The following CNTN4 variants were observed in gnomAD, a reference collection of about 807,000 sequenced individuals.
CNTN4 encodes contactin-4.
A neutral mutation model predicts 122.5 loss-of-function variants in CNTN4; 77 were observed. The ratio of observed to expected loss-of-function variants is 0.63; its 90% CI spans 0.52 to 0.76. The LOEUF is 0.76. CNTN4 is among the 30% of genes least tolerant of loss of function. The pLI, the probability that CNTN4 is intolerant of heterozygous loss-of-function variation, is 0.00. For missense variants in CNTN4, 1,256 were observed against 1,259.1 expected (o/e 1.00, Z 0.04); for synonymous variants, 512 against 447.0 (o/e 1.15, Z -1.83).
At chr3:2,116,129 A>G (rs2033335370) in intron 2 of CNTN4, among the ~76,000 whole-genome samples, 1 of 152,118 alleles carries the variant, frequency 6.6e-6, no homozygotes, top group Admixed American at 6.5e-5. Context: ...CATCACCACT[A>G]AAGTCTTATT....
intron 4 of CNTN4, among the ~76,000 whole-genome samples, chr3:2,634,743 C>T (rs2082590000): frequency 2.0e-5 from 3 of 151,104 alleles, no homozygotes; most frequent in Non-Finnish European, 4.4e-5. Flanking sequence ...GTAGTCCCAC[C>T]TACTCCGGAG....
At chr3:2,803,110 C>T (rs1264586140) in intron 6 of CNTN4, among the ~76,000 whole-genome samples, 1 of 152,076 alleles carries the variant, frequency 6.6e-6, no homozygotes, top group Non-Finnish European at 1.5e-5. Context: ...AATAAAAATC[C>T]TTTATATAAC....
At chr3:2,103,680 C>A (rs1173870449) in intron 2 of CNTN4, among the ~76,000 whole-genome samples, 1 of 151,934 alleles carries the variant, frequency 6.6e-6, no homozygotes, top group Non-Finnish European at 1.5e-5. Context: ...GAAAGGAAAC[C>A]CTCTTCTTTT....
At chr3:2,951,192 C>G (rs770693712) in intron 13 of CNTN4, among the ~76,000 whole-genome samples, 2 of 152,140 alleles carry the variant, frequency 1.3e-5, no homozygotes, top group African/African-American at 2.4e-5. Context: ...GTCATATAGA[C>G]CAGTGGTCCC....
At chr3:2,802,490 A>C (rs1352947571) in intron 6 of CNTN4, among the ~76,000 whole-genome samples, 1 of 152,224 alleles carries the variant, frequency 6.6e-6, no homozygotes, top group Non-Finnish European at 1.5e-5. Flanking sequence ...CATAAGCATA[A>C]GAAAATCGTG....
chr3:2,548,560 C>T (rs2078344402), intron 3 of CNTN4, among the ~76,000 whole-genome samples: 1 of 152,050 alleles, frequency 6.6e-6, no homozygotes, highest in Non-Finnish European at 1.5e-5. Context: ...CAGTACCATG[C>T]TGTTTTGTTT....
intron 8 of CNTN4, among the ~76,000 whole-genome samples, chr3:2,882,191 C>T (rs535862904): frequency 3.9e-5 from 6 of 151,976 alleles, no homozygotes; most frequent in South Asian, 2.1e-4. Flanking sequence ...GGTGAAACCC[C>T]GTCTCCACTA....
chr3:2,615,586 A>C (rs905394912), intron 4 of CNTN4, among the ~76,000 whole-genome samples: 6 of 152,204 alleles, frequency 3.9e-5, no homozygotes, highest in African/African-American at 1.4e-4. Context: ...ACTCTAAAAA[A>C]AAACTTAGAG....
At chr3:2,780,259 C>T (rs1438982932) in intron 6 of CNTN4, among the ~76,000 whole-genome samples, 1 of 152,160 alleles carries the variant, frequency 6.6e-6, no homozygotes, top group Non-Finnish European at 1.5e-5. Context: ...TTACTAATGC[C>T]TTTTCTGGTA....
At chr3:2,203,997 G>T (rs960765965) in intron 2 of CNTN4, among the ~76,000 whole-genome samples, 2 of 152,054 alleles carry the variant, frequency 1.3e-5, no homozygotes, top group African/African-American at 4.8e-5. Context: ...TGGTATGAGT[G>T]TATTTCAAAC....
rs571562508 is a variant in CNTN4, at chr3:2,952,208, G to A, written c.1358+26429G>A. Among the ~76,000 whole-genome samples the A allele has an allele frequency of 2.0e-3, 304 of 152,310 alleles. 1 individual carries two copies. Among genetic ancestry groups the A allele is most frequent in the Non-Finnish European group, 3.2e-3 (219 of 68,034 alleles). On this transcript the variant is annotated intron_variant, in intron 13 of 24. Transcript: ENST00000418658. ...GCCTTATCGAAAGCCTTAGTGAGAT[G>A]GTTTCTAGGATATAGTTGGAACCTG...
intron 3 of CNTN4, among the ~76,000 whole-genome samples, chr3:2,455,479 C>CT (rs918094694): frequency 6.6e-5 from 10 of 151,466 alleles, no homozygotes; most frequent in Non-Finnish European, 1.3e-4. Context: ...AGTCTTTTTT[C>CT]TTTTTTTTAA....
chr3:2,368,176 G>GC lies in CNTN4; in HGVS notation c.-89+28943_-89+28944insC, dbSNP rs567929204. On this transcript the variant is annotated intron_variant, in intron 3 of 24. Transcript: ENST00000418658. The stretch of plus-strand genomic sequence containing the variant: ...GCCTCCCGAGTAGCTGGGACTACAG[G>GC]GCCCGCCACCACGCCCAGCTAATTT... 6.6e-3 allele frequency among the ~76,000 whole-genome samples: 991 copies of GC among 149,584 alleles called. 16 individuals are homozygous for GC. Among genetic ancestry groups the GC allele is most frequent in the African/African-American group, 0.023 (951 of 40,704 alleles).
intron 7 of CNTN4, among the ~76,000 whole-genome samples, chr3:2,843,271 A>G (rs373362906): frequency 6.6e-6 from 1 of 152,102 alleles, no homozygotes. Context: ...TTTCCATGCC[A>G]CCATTCAATC....
chr3:2,581,862 A>C (rs894740817), intron 4 of CNTN4, among the ~76,000 whole-genome samples: 2 of 152,254 alleles, frequency 1.3e-5, no homozygotes, highest in South Asian at 4.1e-4. Context: ...ACAAACTTTG[A>C]AGATACCGTG....
At chr3:2,141,333 G>C (rs917130942) in intron 2 of CNTN4, among the ~76,000 whole-genome samples, 3 of 152,130 alleles carry the variant, frequency 2.0e-5, no homozygotes, top group African/African-American at 7.2e-5. Flanking sequence ...AAATGAAAGA[G>C]AGGGGCAGGA....
intron 4 of CNTN4, among the ~76,000 whole-genome samples, chr3:2,586,002 C>T (rs983350789): frequency 6.6e-5 from 10 of 151,964 alleles, no homozygotes; most frequent in African/African-American, 2.4e-4. Flanking sequence ...AAGATAATTA[C>T]CATCCTCCTT....
intron 3 of CNTN4, among the ~76,000 whole-genome samples, chr3:2,440,497 T>A (rs568146179): frequency 2.0e-4 from 30 of 152,332 alleles, no homozygotes; most frequent in Non-Finnish European, 4.0e-4. Flanking sequence ...TCTCAAGAGT[T>A]CCAGTTCCTC....
At chr3:2,189,745 A>AT (rs5846167) in intron 2 of CNTN4, among the ~76,000 whole-genome samples, 12 of 152,046 alleles carry the variant, frequency 7.9e-5, no homozygotes, top group African/African-American at 2.4e-4. Context: ...TATGTTATTC[A>AT]TTTTTTTTAA....
Sources: allele counts gnomAD v4.1 joint callset (sites outside exome capture counted in the v4.1 genomes callset), GRCh38; gene constraint gnomAD v4.1.1; transcripts MANE v1.5; gene names NCBI Gene and HGNC (gene_info 2026-07-23, HGNC 2026-07-21).